The following REPS1 variants were observed in gnomAD, a reference collection of about 807,000 sequenced individuals.
REPS1 encodes the protein ralBP1-associated Eps domain-containing protein 1.
A neutral mutation model predicts 100.9 loss-of-function variants in REPS1; 39 were observed. That is an observed-to-expected ratio of 0.39 (90% CI 0.30 to 0.50). The LOEUF is 0.50. Among genes scored for constraint, REPS1 ranks in the 20% least tolerant of loss-of-function variants. REPS1 has a pLI of 0.86. For missense variants in REPS1, 821 were observed against 968.5 expected (o/e 0.85, Z 2.02); for synonymous variants, 324 against 340.3 (o/e 0.95, Z 0.53).
At chr6:138,974,710 G>A (rs994217626) in intron 1 of REPS1, among the ~76,000 whole-genome samples, 1 of 151,968 alleles carries the variant, frequency 6.6e-6, no homozygotes, top group African/African-American at 2.4e-5. Flanking sequence ...GAAATCTCTG[G>A]GACAATATCA....
chr6:138,984,846 A>G (rs971129887), intron 1 of REPS1, among the ~76,000 whole-genome samples: 3 of 152,170 alleles, frequency 2.0e-5, no homozygotes, highest in Non-Finnish European at 1.5e-5. Context: ...TCTGGCCTCA[A>G]TTAAACATTA....
Position 138,988,157 on chromosome 6 carries a change from C to T in REPS1, c.-475G>A, listed in dbSNP as rs1411838208. The T allele has an allele frequency of 1.3e-5, 5 of 398,084 alleles. No homozygotes were observed. Among genetic ancestry groups the T allele is most frequent in the African/African-American group, 2.1e-5 (1 of 48,562 alleles). The allele number at this position is 398,084 out of a possible 1,614,324, so 24.7% of individuals were successfully genotyped here. On this transcript the variant is annotated 5_prime_UTR_variant, in exon 1 of 20. Coordinates refer to ENST00000450536, the MANE Select transcript of REPS1 (RefSeq NM_001286611.2). ...TTGTGGGGCTTCGAACCTAAAGTTT[C>T]GGGGGATCTGGGCTGAGCGTGGCCG...
In REPS1 at chr6:138,919,218, C is replaced by T. The variant is rs575627840; in HGVS notation, c.1528+997G>A. Among the ~76,000 whole-genome samples the T allele has an allele frequency of 4.6e-5, 7 of 152,274 alleles. No individual in the cohort carries two copies. The East Asian group carries it at 1.4e-3, about 29-fold the overall frequency. ...TATAGCACACAGGTAAAAGCAACTCCTGAGGTCTTTTCCTCCACAATGTAC... is the reference window on the plus strand; with the variant it reads ...TATAGCACACAGGTAAAAGCAACTCTTGAGGTCTTTTCCTCCACAATGTAC... On this transcript the variant is annotated intron_variant, in intron 12 of 19. Transcript: ENST00000450536.
At chr6:138,926,309 C>G (rs1207823878) in intron 10 of REPS1, 92 bp downstream of exon 10, 3 of 934,930 alleles carry the variant, frequency 3.2e-6, no homozygotes, top group Non-Finnish European at 5.1e-6. Flanking sequence ...AAGCACTCCA[C>G]TGAATCATGC....
intron 1 of REPS1, among the ~76,000 whole-genome samples, chr6:138,985,158 C>T (rs1413550438): frequency 6.6e-6 from 1 of 152,152 alleles, no homozygotes; most frequent in African/African-American, 2.4e-5. Flanking sequence ...TGAAAAGGCT[C>T]CTACACTTTC....
At chr6:138,973,453 A>C (rs1410213572) in intron 1 of REPS1, among the ~76,000 whole-genome samples, 2 of 152,058 alleles carry the variant, frequency 1.3e-5, no homozygotes, top group Non-Finnish European at 2.9e-5. Flanking sequence ...ATCCCAAGAA[A>C]AAATACAGTA....
intron 18 of REPS1, among the ~76,000 whole-genome samples, chr6:138,908,088 A>G (rs1489460912): frequency 1.3e-5 from 2 of 152,210 alleles, no homozygotes; most frequent in Admixed American, 1.3e-4. Context: ...TTCCTGGTCT[A>G]GAACACCATA....
At chr6:138,909,128 T>A (rs1448825153) in intron 17 of REPS1, among the ~76,000 whole-genome samples, 1 of 152,172 alleles carries the variant, frequency 6.6e-6, no homozygotes, top group Non-Finnish European at 1.5e-5. Flanking sequence ...TGTTCAACAA[T>A]AAACAAAGGC....
intron 16 of REPS1, among the ~76,000 whole-genome samples, chr6:138,911,945 A>C (rs1460964576): frequency 6.6e-6 from 1 of 152,172 alleles, no homozygotes; most frequent in Non-Finnish European, 1.5e-5. Flanking sequence ...TAGTCTGGGA[A>C]GTCTTCGTGG....
At chr6:138,939,874 C>CA (rs1403263091) in intron 8 of REPS1, among the ~76,000 whole-genome samples, 2 of 152,126 alleles carry the variant, frequency 1.3e-5, no homozygotes, top group Admixed American at 6.5e-5. Flanking sequence ...GAAATGATCC[C>CA]AAAATCCTAG....
intron 1 of REPS1, among the ~76,000 whole-genome samples, chr6:138,960,496 C>G (rs1170717666): frequency 6.6e-6 from 1 of 150,650 alleles, no homozygotes; most frequent in East Asian, 1.9e-4. Context: ...TTTTCCAAAA[C>G]TGAAAAAAAA....
intron 15 of REPS1, 77 bp from the exon 16 acceptor site, chr6:138,913,027 G>A (rs1313014270): frequency 6.0e-6 from 7 of 1,175,180 alleles, no homozygotes; most frequent in East Asian, 2.5e-5. Flanking sequence ...CTTCTTCTTC[G>A]AAAACTTAGT....
chr6:138,909,042 T>C (rs187514901), intron 17 of REPS1: 4 of 489,330 alleles, frequency 8.2e-6, no homozygotes, highest in Non-Finnish European at 1.5e-5. Context: ...TATAAGTATT[T>C]TTAGAGCAAC....
chr6:138,954,502 T>A (rs1435525771), intron 1 of REPS1, among the ~76,000 whole-genome samples: 2 of 134,672 alleles, frequency 1.5e-5, no homozygotes, highest in Admixed American at 7.5e-5. Flanking sequence ...ATGATGAGCT[T>A]AAAAAAAAAA....
intron 8 of REPS1, among the ~76,000 whole-genome samples, chr6:138,937,673 A>G (rs1319688379): frequency 1.3e-5 from 2 of 152,232 alleles, no homozygotes; most frequent in Admixed American, 1.3e-4. Context: ...TCCTTCTTTC[A>G]GCATCTCAGA....
At chr6:138,948,472 C>T (rs1401034284) in intron 1 of REPS1, among the ~76,000 whole-genome samples, 3 of 152,162 alleles carry the variant, frequency 2.0e-5, no homozygotes, top group African/African-American at 4.8e-5. Flanking sequence ...AATATGGCTA[C>T]ACTACTCTTC....
At chr6:138,910,665 C>A (rs1019185893) in intron 17 of REPS1, among the ~76,000 whole-genome samples, 3 of 152,156 alleles carry the variant, frequency 2.0e-5, no homozygotes, top group Non-Finnish European at 2.9e-5. Flanking sequence ...AACCTCTTTT[C>A]TTTACAGATT....
Position 138,908,697 on chromosome 6 carries a change from A to G in REPS1, c.2187T>C (p.Ala729=), listed in dbSNP as rs1475944085. The change falls in exon 18 of 20, where the codon GCT becomes GCC. Residue 729 remains alanine, a synonymous_variant. Coordinates refer to ENST00000450536, the MANE Select transcript of REPS1 (RefSeq NM_001286611.2). Reference sequence around the variant, plus strand: ...GAATAGAAGGTTGTGATGCAAGAACAGCAGCTAAGACACCCGTCTTTTGTG... The same window carrying G: ...GAATAGAAGGTTGTGATGCAAGAACGGCAGCTAAGACACCCGTCTTTTGTG... ...EHTQKTGVLA[A]VLASQPSIPR... 4 of 1,614,112 alleles carry G rather than the reference A, an allele frequency of 2.5e-6. No homozygotes were observed. The highest frequency in any genetic ancestry group is 2.5e-6 in the Non-Finnish European group (3 of 1,180,038).
At chr6:138,944,690 C>A in intron 4 of REPS1, 68 bp from the exon 5 acceptor site, 1 of 1,462,728 alleles carries the variant, frequency 6.8e-7, no homozygotes, top group Non-Finnish European at 9.3e-7. Flanking sequence ...AGTTTTCTTT[C>A]CAACTCTTAC....
Sources: gnomAD v4.1 joint callset for allele counts (sites outside exome capture counted in the v4.1 genomes callset) on GRCh38, gnomAD v4.1.1 for gene constraint, MANE v1.5 for transcripts, NCBI Gene and HGNC (gene_info 2026-07-23, HGNC 2026-07-21) for gene names.